AXDND1: variants seen among roughly 807,000 people sequenced by gnomAD.
AXDND1 encodes axonemal dynein light chain domain-containing protein 1.
In AXDND1, 110 loss-of-function variants were observed where a neutral mutation model predicts 137.5. The observed-to-expected ratio is 0.80, with a 90% CI of 0.69 to 0.94. The LOEUF (loss-of-function observed/expected upper bound fraction) is 0.94, where lower values mean the gene tolerates loss of function less well. Ranked by LOEUF, AXDND1 falls within the 40% of genes least tolerant of loss-of-function variation. The probability of loss-of-function intolerance (pLI) is 0.00; values close to 1 mark genes in which losing one functional copy is unlikely to be tolerated. For synonymous variants in AXDND1, 414 were observed against 399.7 expected (o/e 1.04, Z -0.43); for missense variants, 1,191 against 1,169.8 (o/e 1.02, Z -0.26).
intron 20 of AXDND1, among the ~76,000 whole-genome samples, chr1:179,508,796 G>A (rs1357177878): frequency 5.9e-5 from 9 of 151,988 alleles, no homozygotes; most frequent in Non-Finnish European, 1.5e-5. Flanking sequence ...CCTTGAGCAA[G>A]ACATTTAACT....
Position 179,533,813 on chromosome 1 carries a change from G to A in AXDND1, c.2734G>A (p.Gly912Ser), listed in dbSNP as rs747928331. 6.2e-6 allele frequency: 10 copies of A among 1,612,686 alleles called. No individual in the cohort carries two copies. The South Asian group carries it at 1.1e-4, about 18-fold the overall frequency. ...LSSWRESAKQ[G>S]TLAQKYLEAM... ...CTGTCAGAGAGAGTCAGCTAAGCAA[G>A]GTACATTGGCCCAAAAATATCTTGA... The change falls in exon 24 of 26, where the codon GGT becomes AGT. Residue 912 changes from glycine (G) to serine (S), a missense_variant. Gly to Ser is a moderately conservative substitution (Grantham distance 56). Coordinates refer to ENST00000367618, the MANE Select transcript of AXDND1 (RefSeq NM_144696.6).
At chr1:179,407,332 A>G (rs955916194) in intron 11 of AXDND1, among the ~76,000 whole-genome samples, 1 of 151,684 alleles carries the variant, frequency 6.6e-6, no homozygotes, top group Non-Finnish European at 1.5e-5. Context: ...GGTTCAAGCA[A>G]TTCCCCTGCC....
chr1:179,424,202 A>AG (rs1656220923), intron 12 of AXDND1, among the ~76,000 whole-genome samples: 2 of 151,944 alleles, frequency 1.3e-5, no homozygotes, highest in African/African-American at 4.8e-5. Context: ...CCTGCCCTGT[A>AG]TGGTTTCCAC....
intron 16 of AXDND1, among the ~76,000 whole-genome samples, chr1:179,462,487 G>C (rs1232220390): frequency 1.3e-5 from 2 of 152,176 alleles, no homozygotes; most frequent in African/African-American, 4.8e-5. Flanking sequence ...TGTTATCAGG[G>C]ATATTGGTCT....
intron 20 of AXDND1, chr1:179,506,715 G>A (rs541392324): frequency 1.5e-5 from 4 of 273,342 alleles, no homozygotes; most frequent in Non-Finnish European, 1.7e-5. Flanking sequence ...GGGCGACAGA[G>A]TAAGACTCTG....
intron 16 of AXDND1, chr1:179,449,644 C>T (rs1400651693): frequency 4.6e-5 from 7 of 151,904 alleles, no homozygotes; most frequent in Non-Finnish European, 1.5e-5. Context: ...AATCTATAAA[C>T]ATGGATTTTT....
chr1:179,510,622 C>T (rs1193461300), intron 21 of AXDND1, among the ~76,000 whole-genome samples: 1 of 152,048 alleles, frequency 6.6e-6, no homozygotes, highest in Non-Finnish European at 1.5e-5. Flanking sequence ...TGAAATACCA[C>T]CGACATGATC....
chr1:179,543,312 T>C (rs1401119175), intron 25 of AXDND1: 1 of 152,194 alleles, frequency 6.6e-6, no homozygotes, highest in Non-Finnish European at 1.5e-5. Context: ...CAAAGATGAA[T>C]ATGGCTTAGT....
At chr1:179,508,969 T>C (rs1668778368) in intron 20 of AXDND1, among the ~76,000 whole-genome samples, 1 of 152,194 alleles carries the variant, frequency 6.6e-6, no homozygotes, top group African/African-American at 2.4e-5. Flanking sequence ...TATTATGCAA[T>C]CACAGTTGAC....
At chr1:179,474,057 T>C (rs1342101006) in intron 17 of AXDND1, among the ~76,000 whole-genome samples, 1 of 151,986 alleles carries the variant, frequency 6.6e-6, no homozygotes, top group Non-Finnish European at 1.5e-5. Flanking sequence ...AACCCCCGTC[T>C]CTACTAAAAA....
chr1:179,391,962 C>T (rs959002438), intron 9 of AXDND1, among the ~76,000 whole-genome samples: 1 of 152,172 alleles, frequency 6.6e-6, no homozygotes, highest in African/African-American at 2.4e-5. Context: ...TTTCCTGAGG[C>T]CTCCCCAGCT....
intron 15 of AXDND1, among the ~76,000 whole-genome samples, chr1:179,442,083 C>G (rs978243432): frequency 6.6e-6 from 1 of 152,120 alleles, no homozygotes; most frequent in Non-Finnish European, 1.5e-5. Flanking sequence ...TTGGATCAGG[C>G]CTTACGGAAC....
At chr1:179,475,328 G>A (rs1664478179) in intron 17 of AXDND1, among the ~76,000 whole-genome samples, 1 of 152,158 alleles carries the variant, frequency 6.6e-6, no homozygotes, top group African/African-American at 2.4e-5. Flanking sequence ...ACTTGGAAAA[G>A]CCACAGACAT....
chr1:179,403,746 G>A (rs1333071451), intron 11 of AXDND1, among the ~76,000 whole-genome samples: 3 of 152,070 alleles, frequency 2.0e-5, no homozygotes, highest in South Asian at 4.1e-4. Flanking sequence ...GCTAATTTTT[G>A]TATTTTTAGT....
chr1:179,480,850 C>T (rs1488315726), intron 17 of AXDND1, among the ~76,000 whole-genome samples: 1 of 151,870 alleles, frequency 6.6e-6, no homozygotes, highest in Non-Finnish European at 1.5e-5. Flanking sequence ...TCTTTGACCA[C>T]ACCAAGCTGT....
chr1:179,498,267 G>A (rs1054174033), intron 20 of AXDND1, among the ~76,000 whole-genome samples: 4 of 152,144 alleles, frequency 2.6e-5, no homozygotes, highest in African/African-American at 9.6e-5. Flanking sequence ...ATATAATAAA[G>A]TAAACAAAAC....
intron 17 of AXDND1, among the ~76,000 whole-genome samples, chr1:179,475,968 T>C (rs1664573971): frequency 6.6e-6 from 1 of 152,182 alleles, no homozygotes; most frequent in Non-Finnish European, 1.5e-5. Context: ...TCTTATGCAA[T>C]ATGATGGTTT....
At chr1:179,470,429 G>A (rs1004250258) in intron 17 of AXDND1, among the ~76,000 whole-genome samples, 2 of 152,072 alleles carry the variant, frequency 1.3e-5, no homozygotes, top group African/African-American at 4.8e-5. Flanking sequence ...AACATGTTAA[G>A]TCTTCTACAT....
chr1:179,369,130 A>G (rs1667766736), intron 3 of AXDND1, among the ~76,000 whole-genome samples, 158 bp downstream of exon 3: 1 of 152,134 alleles, frequency 6.6e-6, no homozygotes, highest in Non-Finnish European at 1.5e-5. Flanking sequence ...CAGGCTGGAG[A>G]GTAGTGGCCT....
Sources: allele counts gnomAD v4.1 joint callset (sites outside exome capture counted in the v4.1 genomes callset), GRCh38; gene constraint gnomAD v4.1.1; transcripts MANE v1.5; gene names NCBI Gene and HGNC (gene_info 2026-07-23, HGNC 2026-07-21).